The following PHF5A variants were observed in gnomAD, a reference collection of about 807,000 sequenced individuals.
The protein encoded by PHF5A is PHD finger protein 5A, also known as PHD finger-like domain-containing protein 5A.
For synonymous variants in PHF5A, 52 were observed against 46.0 expected (o/e 1.13, Z -0.52); for missense variants, 24 against 140.6 (o/e 0.17, Z 4.19).
intron 3 of PHF5A, among the ~76,000 whole-genome samples, chr22:41,464,359 T>C (rs2037849733): frequency 6.6e-6 from 1 of 152,172 alleles, no homozygotes; most frequent in Admixed American, 6.5e-5. Context: ...GGTACCTTGG[T>C]TGTAGGAAGG....
chr22:41,461,504 C>T (rs975929467), intron 3 of PHF5A, among the ~76,000 whole-genome samples: 3 of 151,514 alleles, frequency 2.0e-5, no homozygotes, highest in East Asian at 2.0e-4. Context: ...TACAGGTACA[C>T]GCCGCCATGC....
chr22:41,468,378 C>G, intron 1 of PHF5A: 3 of 653,432 alleles, frequency 4.6e-6, no homozygotes, highest in Non-Finnish European at 7.9e-6. Context: ...GGACCTGGTT[C>G]AGACCCCACC....
In PHF5A at chr22:41,460,123, GA is replaced by G; in HGVS notation, c.*274del. On this transcript the variant is annotated 3_prime_UTR_variant, in exon 4 of 4. Coordinates refer to ENST00000216252, the MANE Select transcript of PHF5A (RefSeq NM_032758.4). ...TTGAGGGAGAACATACCAATATGGA[GA>G]ACAGATCTTTGCTTCTCGAATTCAA... The G allele has an allele frequency of 3.9e-6, 1 of 258,498 alleles. No homozygotes were observed. Among genetic ancestry groups the G allele is most frequent in the Non-Finnish European group, 7.3e-6 (1 of 136,516 alleles). 16.0% of individuals were successfully genotyped at this position (258,498 alleles called of 1,614,324 possible). A position where few individuals can be genotyped will look rare whatever the true frequency, so the allele number is the denominator to read the frequency against.
chr22:41,465,524 T>C (rs772944334), intron 3 of PHF5A, among the ~76,000 whole-genome samples: 17 of 152,106 alleles, frequency 1.1e-4, no homozygotes, highest in South Asian at 4.1e-4. Flanking sequence ...AGGATCCAAG[T>C]GCGTGAAATG....
intron 3 of PHF5A, among the ~76,000 whole-genome samples, chr22:41,465,887 T>C (rs990144017): frequency 2.0e-5 from 3 of 151,466 alleles, no homozygotes; most frequent in African/African-American, 7.3e-5. Flanking sequence ...TCTCAAAAAA[T>C]AAATAAATAA....
chr22:41,461,451 G>A (rs1171724559), intron 3 of PHF5A, among the ~76,000 whole-genome samples: 1 of 150,904 alleles, frequency 6.6e-6, no homozygotes, highest in Non-Finnish European at 1.5e-5. Flanking sequence ...GCAGTGGCGC[G>A]ATCTCGGCTC....
At position 41,459,918 on chromosome 22, in the gene PHF5A, C is replaced by T. The variant is rs865871235; in HGVS notation, c.*480G>A. 1 of 112,304 alleles carries T rather than the reference C, an allele frequency of 8.9e-6. No homozygotes were observed. The highest frequency in any genetic ancestry group is 3.6e-5 in the African/African-American group (1 of 28,060). The allele number at this position is 112,304 out of a possible 1,614,324, so 7.0% of individuals were successfully genotyped here. A position where few individuals can be genotyped will look rare whatever the true frequency, so the allele number is the denominator to read the frequency against. ...GAGCCCTGCCCCCCCACCCCCCCCC[C>T]AAAAAAAACGGGAAATGCCTACATT... is the stretch of plus-strand genomic sequence containing the variant. On this transcript the variant is annotated 3_prime_UTR_variant, in exon 4 of 4. Transcript: ENST00000216252.
rs138079019 is a variant in PHF5A, at chr22:41,463,903, A to G, written c.244-3416T>C. On this transcript the variant is annotated intron_variant, in intron 3 of 3. Coordinates refer to ENST00000216252, the MANE Select transcript of PHF5A (RefSeq NM_032758.4). Reference sequence around the variant, plus strand: ...GAAAGAAACTGCGTCTCAAAAAAAAAAAGAGTCAGACCACCTAGGCCCTAG... The same window carrying G: ...GAAAGAAACTGCGTCTCAAAAAAAAGAAGAGTCAGACCACCTAGGCCCTAG... Among the ~76,000 whole-genome samples the G allele has an allele frequency of 2.8e-4, 43 of 152,132 alleles. 2 individuals are homozygous for G. The East Asian group carries it at 8.3e-3, about 29-fold the overall frequency.
chr22:41,468,107 C>G lies in PHF5A; in HGVS notation c.76+17G>C. The G allele has an allele frequency of 6.2e-7, 1 of 1,613,466 alleles. No individual in the cohort carries two copies. Among genetic ancestry groups the G allele is most frequent in the Non-Finnish European group, 8.5e-7 (1 of 1,179,622 alleles). ...GAGTGGGAAGGGTGGGTTGTTGGGA[C>G]GGTGTGTTCCACTCACATTTTTCAC... On this transcript the variant is annotated intron_variant, in intron 2 of 3. Coordinates refer to ENST00000216252, the MANE Select transcript of PHF5A (RefSeq NM_032758.4).
Position 41,465,744 on chromosome 22 carries a change from G to A in PHF5A, c.243+1704C>T, listed in dbSNP as rs139672748. Reference sequence around the variant, plus strand: ...AAAATACAAAAACTAGCTGGGCATAGTGGCATGCACCTGTAGTCCCAGCTA... The same window carrying A: ...AAAATACAAAAACTAGCTGGGCATAATGGCATGCACCTGTAGTCCCAGCTA... On this transcript the variant is annotated intron_variant, in intron 3 of 3. Coordinates refer to ENST00000216252, the MANE Select transcript of PHF5A (RefSeq NM_032758.4). Among the ~76,000 whole-genome samples, 45 of 152,246 alleles carry A rather than the reference G, an allele frequency of 3.0e-4. No homozygotes were observed. In the East Asian group the frequency reaches 5.2e-3, roughly 18 times the overall value.
chr22:41,467,123 C>T (rs2037872691), intron 3 of PHF5A, among the ~76,000 whole-genome samples: 2 of 151,942 alleles, frequency 1.3e-5, no homozygotes. Context: ...AACTTGGACT[C>T]CCAAAGTGCT....
chr22:41,460,683 T>C (rs2037820406), intron 3 of PHF5A, among the ~76,000 whole-genome samples, 196 bp from the exon 4 acceptor site: 1 of 150,748 alleles, frequency 6.6e-6, no homozygotes, highest in Admixed American at 6.6e-5. Flanking sequence ...AGCCAGCTAC[T>C]GTACCCCACT....
chr22:41,461,277 C>G (rs1269407743), intron 3 of PHF5A, among the ~76,000 whole-genome samples: 1 of 152,186 alleles, frequency 6.6e-6, no homozygotes, highest in Non-Finnish European at 1.5e-5. Context: ...TACTAAACAC[C>G]TAAGAATGTG....
At chr22:41,463,185 G>A (rs1002422023) in intron 3 of PHF5A, among the ~76,000 whole-genome samples, 1 of 151,706 alleles carries the variant, frequency 6.6e-6, no homozygotes, top group African/African-American at 2.4e-5. Context: ...TTACAGCTTA[G>A]CTTTAAGATG....
chr22:41,462,213 A>G (rs2037832422), intron 3 of PHF5A, among the ~76,000 whole-genome samples: 1 of 152,202 alleles, frequency 6.6e-6, no homozygotes, highest in Admixed American at 6.5e-5. Context: ...TGATGGGAGA[A>G]AAACCGGGGA....
chr22:41,468,001 G>A (rs2146066347), intron 2 of PHF5A, 123 bp downstream of exon 2: 1 of 1,006,662 alleles, frequency 9.9e-7, no homozygotes. Context: ...CTAAAGTGCA[G>A]CATTCAGTGT....
At position 41,467,586 on chromosome 22, in the gene PHF5A, G is replaced by C. The variant is rs1057224904; in HGVS notation, c.105C>G (p.Ser35=). 11 of 1,614,064 alleles carry C rather than the reference G, an allele frequency of 6.8e-6. No homozygotes were observed. Among genetic ancestry groups the C allele is most frequent in the South Asian group, 1.1e-5 (1 of 91,086 alleles). The change falls in exon 3 of 4, where the codon TCC becomes TCG. Residue 35 remains serine (S), a synonymous_variant. Transcript: ENST00000216252. ...KCDGKCVICD[S]YVRPCTLVRI... is the part of the protein sequence containing the mutation. ...GCACCAGAGTGCAGGGACGCACATAGGAGTCACAAATCACACACTTGCCAT... is the reference window on the plus strand; with the variant it reads ...GCACCAGAGTGCAGGGACGCACATACGAGTCACAAATCACACACTTGCCAT...
chr22:41,463,492 C>A (rs1211510747), intron 3 of PHF5A, among the ~76,000 whole-genome samples: 1 of 151,488 alleles, frequency 6.6e-6, no homozygotes. Flanking sequence ...CTTTGGGAGG[C>A]CAAGGTGGGT....
At chr22:41,460,724 G>GAA (rs33913007) in intron 3 of PHF5A, among the ~76,000 whole-genome samples, 9,459 of 147,896 alleles carry the variant, frequency 0.064, 336 homozygotes, top group Non-Finnish European at 0.079. Context: ...CCCATCTCTT[G>GAA]AAAAAAAAAA....
Sources: gnomAD v4.1 joint callset for allele counts (sites outside exome capture counted in the v4.1 genomes callset) on GRCh38, gnomAD v4.1.1 for gene constraint, MANE v1.5 for transcripts, NCBI Gene and HGNC (gene_info 2026-07-23, HGNC 2026-07-21) for gene names.